Variants in CHGB observed in about 807,000 individuals in gnomAD.
CHGB encodes the protein chromogranin B.
Under a neutral mutation model 69.9 loss-of-function variants are expected in CHGB, and 46 were observed. The ratio of observed to expected loss-of-function variants is 0.66; its 90% CI spans 0.52 to 0.84. CHGB has a LOEUF of 0.84. CHGB is among the 40% of genes least tolerant of loss of function. CHGB has a pLI of 0.00. For missense variants in CHGB, 796 were observed against 822.2 expected (o/e 0.97, Z 0.39); for synonymous variants, 312 against 298.2 (o/e 1.05, Z -0.48).
chr20:5,923,834 C>T lies in CHGB; in HGVS notation c.1690C>T (p.Pro564Ser), dbSNP rs776440984. The T allele has an allele frequency of 2.5e-6, 4 of 1,614,094 alleles. No individual in the cohort carries two copies. Among genetic ancestry groups the T allele is most frequent in the East Asian group, 4.5e-5 (2 of 44,882 alleles). ...GACCTTGAACGAGAAGAATTTCTTC[C>T]CAGAATACAACTATGACTGGTGGGA... ...ELTLNEKNFF[P>S]EYNYDWWEKK... Residue 564 changes from proline to serine, a missense_variant, in exon 4 of 5, where the codon CCA becomes TCA. Coordinates refer to ENST00000378961, the MANE Select transcript of CHGB (RefSeq NM_001819.3).
At chr20:5,917,582 C>T (rs2088483393) in intron 3 of CHGB, 1 of 152,670 alleles carries the variant, frequency 6.6e-6, no homozygotes, top group Non-Finnish European at 1.5e-5. Context: ...AGACTAATGG[C>T]TTTCTGAGTC....
rs2088478868 is a variant in CHGB, at chr20:5,916,898, T to C, written c.169T>C (p.Cys57Arg). The C allele has an allele frequency of 6.2e-7, 1 of 1,614,042 alleles. No individual in the cohort carries two copies. Among genetic ancestry groups the C allele is most frequent in the African/African-American group, 1.3e-5 (1 of 74,904 alleles). ...CAGCGCTCCACCCATCACCCCTGAGTGCCGCCAAGTCCTGAAGACGAGTAA... is the reference window on the plus strand; with the variant it reads ...CAGCGCTCCACCCATCACCCCTGAGCGCCGCCAAGTCCTGAAGACGAGTAA... ...KSSAPPITPE[C>R]RQVLKTSRKD... The change falls in exon 3 of 5, where the codon TGC becomes CGC. Residue 57 changes from cysteine (C) to arginine (R), a missense_variant. Physicochemically the swap from Cys to Arg is radical, Grantham distance 180. This residue lies in a region of CHGB where 518 missense variants were observed against 506.3 expected (regional missense o/e 1.02). Transcript: ENST00000378961.
At chr20:5,919,507 G>A (rs150855483) in intron 3 of CHGB, among the ~76,000 whole-genome samples, 2 of 152,324 alleles carry the variant, frequency 1.3e-5, no homozygotes, top group African/African-American at 2.4e-5. Context: ...CTGAGAGGGA[G>A]CAGGTAATTC....
chr20:5,923,561 A>T lies in CHGB; in HGVS notation c.1417A>T (p.Asn473Tyr), dbSNP rs2088530783. ...GAAAGAGCTGGACAGAAATTATCTCAACTACGGTGAGGAAGGAGCCCCAGG... is the reference window on the plus strand; with the variant it reads ...GAAAGAGCTGGACAGAAATTATCTCTACTACGGTGAGGAAGGAGCCCCAGG... ...AWKELDRNYL[N>Y]YGEEGAPGKW... The change falls in exon 4 of 5, where the codon AAC (asparagine) becomes TAC (tyrosine). Residue 473 changes from asparagine (N) to tyrosine (Y), a missense_variant. Asn to Tyr is a moderately radical substitution (Grantham distance 143). Transcript: ENST00000378961. 3 of 1,613,656 alleles carry T rather than the reference A, an allele frequency of 1.9e-6. No homozygotes were observed. Among genetic ancestry groups the T allele is most frequent in the Non-Finnish European group, 2.5e-6 (3 of 1,179,568 alleles).
chr20:5,914,863 T>C (rs2088466547), intron 1 of CHGB: 1 of 152,128 alleles, frequency 6.6e-6, no homozygotes, highest in African/African-American at 2.4e-5. Flanking sequence ...AAAAGAAAAA[T>C]TTGGTAAAGT....
At chr20:5,918,163 A>AC (rs1555781549) in intron 3 of CHGB, among the ~76,000 whole-genome samples, 1 of 147,638 alleles carries the variant, frequency 6.8e-6, no homozygotes, top group African/African-American at 2.6e-5. Context: ...AAAAAAAAAA[A>AC]AAAAAAAACT....
Position 5,922,317 on chromosome 20 carries a change from T to C in CHGB, c.191-18T>C. The C allele has an allele frequency of 1.3e-6, 2 of 1,514,314 alleles. No individual in the cohort carries two copies. The highest frequency in any genetic ancestry group is 1.4e-5 in the South Asian group (1 of 73,640). 93.8% of individuals were successfully genotyped at this position (1,514,314 alleles called of 1,614,324 possible). A position where few individuals can be genotyped will look rare whatever the true frequency, so the allele number is the denominator to read the frequency against. ...CAAGCAATTCTGAAATTATACCTAC[T>C]CTTCATTTTCATTATAGGTAGAAAA... On this transcript the variant is annotated intron_variant, in intron 3 of 4. Coordinates refer to ENST00000378961, the MANE Select transcript of CHGB (RefSeq NM_001819.3).
chr20:5,916,233 A>T (rs2088474635), intron 1 of CHGB, 93 bp from the exon 2 acceptor site: 1 of 915,826 alleles, frequency 1.1e-6, no homozygotes, highest in African/African-American at 1.7e-5. Context: ...CAGGGGAAAA[A>T]CAACAACTAA....
chr20:5,923,863 A>G lies in CHGB; in HGVS notation c.1719A>G (p.Lys573=). 6.2e-7 allele frequency: 1 copy of G among 1,614,224 alleles called. No homozygotes were observed. The highest frequency in any genetic ancestry group is 8.5e-7 in the Non-Finnish European group (1 of 1,180,040). ...FPEYNYDWWE[K]KPFSEDVNWG... Reference sequence around the variant, plus strand: ...AATACAACTATGACTGGTGGGAGAAAAAGCCCTTCTCTGAGGATGTGAACT... The same window carrying G: ...AATACAACTATGACTGGTGGGAGAAGAAGCCCTTCTCTGAGGATGTGAACT... The change falls in exon 4 of 5, where the codon AAA becomes AAG. Residue 573 remains lysine, a synonymous_variant. Transcript: ENST00000378961.
chr20:5,918,504 T>C (rs2088492401), intron 3 of CHGB, among the ~76,000 whole-genome samples: 1 of 151,478 alleles, frequency 6.6e-6, no homozygotes, highest in African/African-American at 2.4e-5. Flanking sequence ...AAAAAGCAAA[T>C]AGTGATTGGC....
intron 3 of CHGB, 24 bp downstream of exon 3, chr20:5,916,943 G>T: frequency 6.2e-7 from 1 of 1,606,552 alleles, no homozygotes; most frequent in East Asian, 2.2e-5. Context: ...ACGGCAGGCA[G>T]ATCTTGGTCA....
Position 5,923,059 on chromosome 20 carries a change from A to G in CHGB, c.915A>G (p.Gly305=). 1 of 1,613,966 alleles carries G rather than the reference A, an allele frequency of 6.2e-7. No homozygotes were observed. The highest frequency in any genetic ancestry group is 8.5e-7 in the Non-Finnish European group (1 of 1,179,970). ...QGGSLPSEEK[G]HPQEESEESN... is the part of the protein sequence containing the mutation. The stretch of plus-strand genomic sequence containing the variant: ...GGAGTCTTCCCTCTGAGGAAAAGGG[A>G]CACCCCCAGGAGGAATCTGAGGAGT... Residue 305 remains glycine (G), a synonymous_variant, in exon 4 of 5, where the codon GGA becomes GGG. Coordinates refer to ENST00000378961, the MANE Select transcript of CHGB (RefSeq NM_001819.3).
chr20:5,922,346 G>A lies in CHGB; in HGVS notation c.202G>A (p.Val68Ile), dbSNP rs370206314. Reference protein sequence around the residue: ...RQVLKTSRKDVKDKETTENEN... With the variant: ...RQVLKTSRKDIKDKETTENEN... Reference sequence around the variant, plus strand: ...CATTTTCATTATAGGTAGAAAAGACGTCAAAGACAAAGAGACAACTGAAAA... The same window carrying A: ...CATTTTCATTATAGGTAGAAAAGACATCAAAGACAAAGAGACAACTGAAAA... The change falls in exon 4 of 5, where the codon GTC becomes ATC. Residue 68 changes from valine to isoleucine, a missense_variant. Coordinates refer to ENST00000378961, the MANE Select transcript of CHGB (RefSeq NM_001819.3). 43 of 1,546,106 alleles carry A rather than the reference G, an allele frequency of 2.8e-5. No homozygotes were observed. Among genetic ancestry groups the A allele is most frequent in the South Asian group, 9.8e-5 (8 of 81,334 alleles).
chr20:5,917,202 G>A (rs936801887), intron 3 of CHGB: 6 of 410,738 alleles, frequency 1.5e-5, no homozygotes, highest in Admixed American at 1.1e-4. Context: ...ATGTCTATCC[G>A]TTCTTAAATT....
chr20:5,924,138 G>C (rs1202657982), intron 4 of CHGB, 38 bp downstream of exon 4: 2 of 1,528,928 alleles, frequency 1.3e-6, no homozygotes, highest in South Asian at 2.5e-5. Context: ...TACTTACTCT[G>C]GTCAATGTTA....
Position 5,925,124 on chromosome 20 carries a change from A to C in CHGB, c.*75A>C. 3 of 940,814 alleles carry C rather than the reference A, an allele frequency of 3.2e-6. No individual in the cohort carries two copies. Among genetic ancestry groups the C allele is most frequent in the Non-Finnish European group, 5.0e-6 (3 of 598,738 alleles). The allele number at this position is 940,814 out of a possible 1,614,324, so 58.3% of individuals were successfully genotyped here. On this transcript the variant is annotated 3_prime_UTR_variant, in exon 5 of 5. Transcript: ENST00000378961. ...GTTTTTCACCACTTCACTGAAAGAC[A>C]CCATTTATCTACCCAAGGGCAGAAA...
intron 3 of CHGB, among the ~76,000 whole-genome samples, chr20:5,919,528 A>T (rs1485021765): frequency 6.6e-6 from 1 of 152,182 alleles, no homozygotes; most frequent in Non-Finnish European, 1.5e-5. Context: ...TCAGCTCTAA[A>T]CCCGTTATGG....
chr20:5,923,283 G>A lies in CHGB; in HGVS notation c.1139G>A (p.Ser380Asn), dbSNP rs754574598. 8 of 1,613,526 alleles carry A rather than the reference G, an allele frequency of 5.0e-6. No homozygotes were observed. The South Asian group carries it at 8.8e-5, about 18-fold the overall frequency. ...YRAPRPQSEESWDEEDKRNYP... is the reference protein window; with the variant it reads ...YRAPRPQSEENWDEEDKRNYP... ...GCTCCAAGACCTCAGAGTGAGGAGA[G>A]TTGGGATGAGGAGGACAAGAGAAAC... Residue 380 changes from serine to asparagine, a missense_variant, in exon 4 of 5, where the codon AGT (serine) becomes AAT (asparagine). Around this residue, in one of 3 missense-constraint regions of CHGB, gnomAD observed 518 missense variants for 506.3 expected, o/e 1.02. Coordinates refer to ENST00000378961, the MANE Select transcript of CHGB (RefSeq NM_001819.3).
At position 5,916,910 on chromosome 20, in the gene CHGB, C is replaced by T. The variant is rs1356051720; in HGVS notation, c.181C>T (p.Leu61=). The T allele has an allele frequency of 6.2e-7, 1 of 1,614,174 alleles. No homozygotes were observed. The highest frequency in any genetic ancestry group is 1.7e-5 in the Admixed American group (1 of 60,028). The part of the protein sequence containing the change: ...PPITPECRQV[L]KTSRKDVKDK... ...CATCACCCCTGAGTGCCGCCAAGTCCTGAAGACGAGTAAGTGTCCCACACG... is the reference window on the plus strand; with the variant it reads ...CATCACCCCTGAGTGCCGCCAAGTCTTGAAGACGAGTAAGTGTCCCACACG... Residue 61 remains leucine (L), a synonymous_variant, in exon 3 of 5, where the codon CTG becomes TTG. Coordinates refer to ENST00000378961, the MANE Select transcript of CHGB (RefSeq NM_001819.3).
Sources: gnomAD v4.1 joint callset for allele counts (sites outside exome capture counted in the v4.1 genomes callset) on GRCh38, gnomAD v4.1.1 for gene constraint, gnomAD v4.1.1 regional missense constraint, MANE v1.5 for transcripts, NCBI Gene and HGNC (gene_info 2026-07-23, HGNC 2026-07-21) for gene names.